TEX11: variants seen among roughly 807,000 people sequenced by gnomAD.
The protein encoded by TEX11 is testis-expressed protein 11.
Under a neutral mutation model 84.4 loss-of-function variants are expected in TEX11, and 7 were observed. The ratio of observed to expected loss-of-function variants is 0.08; its 90% CI spans 0.05 to 0.16. The LOEUF (loss-of-function observed/expected upper bound fraction) is 0.16, where lower values mean the gene tolerates loss of function less well. TEX11 is among the 10% of genes least tolerant of loss of function. The pLI, the probability that TEX11 is intolerant of heterozygous loss-of-function variation, is 1.00. For synonymous variants in TEX11, 264 were observed against 222.8 expected, an observed-to-expected ratio of 1.18 and a Z score of -1.64; for missense variants, 551 against 660.5, an observed-to-expected ratio of 0.83 and a Z score of 1.82.
the TEX11 span, among the ~76,000 whole-genome samples, chrX:70,512,691 T>C: frequency 1.8e-5 from 2 of 109,332 alleles, no homozygotes; most frequent in Non-Finnish European, 3.8e-5. Context: ...ACCACAGTTA[T>C]TCACTGGATG....
chrX:70,575,256 C>T (rs2088658361), intron 25 of TEX11, among the ~76,000 whole-genome samples: 1 of 111,304 alleles, frequency 9.0e-6, no homozygotes, highest in African/African-American at 3.3e-5. Context: ...CTAGGTGATA[C>T]TAGTGGCCTA....
intron 16 of TEX11, among the ~76,000 whole-genome samples, chrX:70,669,476 C>G (rs777663665): frequency 8.9e-5 from 10 of 112,530 alleles, no homozygotes; most frequent in Non-Finnish European, 1.9e-4. Flanking sequence ...TTTTCTGAAA[C>G]AGTTAAATGC....
chrX:70,857,585 C>CA (rs1182287190), intron 5 of TEX11: 1 of 269,629 alleles, frequency 3.7e-6, no homozygotes, highest in Non-Finnish European at 6.9e-6. Flanking sequence ...TCATATATCT[C>CA]AAAATGGTTC....
At chrX:70,711,844 T>G (rs1172364089) in intron 13 of TEX11, among the ~76,000 whole-genome samples, 4 of 111,679 alleles carry the variant, frequency 3.6e-5, no homozygotes, top group Non-Finnish European at 7.5e-5. Context: ...TTTTGCTGTT[T>G]TAGACATGAA....
chrX:70,713,624 G>C (rs1178064500), intron 13 of TEX11, among the ~76,000 whole-genome samples: 2 of 111,511 alleles, frequency 1.8e-5, no homozygotes, highest in Non-Finnish European at 3.8e-5. Flanking sequence ...ATTTCTGTGG[G>C]ATCGGTGGTG....
chrX:70,776,537 T>C (rs772432119), intron 9 of TEX11, among the ~76,000 whole-genome samples: 80 of 104,933 alleles, frequency 7.6e-4, no homozygotes, highest in Non-Finnish European at 6.2e-4. Context: ...TACTCCAGCC[T>C]GGGCAACCAG....
In TEX11 at chrX:70,624,056, T is replaced by C. The variant is rs762870036; in HGVS notation, c.1695-50A>G. 9 of 1,042,964 alleles carry C rather than the reference T, an allele frequency of 8.6e-6. No homozygotes were observed. In the South Asian group the frequency reaches 1.7e-4, roughly 20 times the overall value. The allele number at this position is 1,042,964 out of a possible 1,213,427, so 86.0% of individuals were successfully genotyped here. A position where few individuals can be genotyped will look rare whatever the true frequency, so the allele number is the denominator to read the frequency against. ...GTGATTCTTAGGTTAGGAAGAAACATGTGTGAATGAATACATACCAAGTTA... is the reference window on the plus strand; with the variant it reads ...GTGATTCTTAGGTTAGGAAGAAACACGTGTGAATGAATACATACCAAGTTA... On this transcript the variant is annotated intron_variant, in intron 19 of 29. Coordinates refer to ENST00000374333, the MANE Select transcript of TEX11 (RefSeq NM_031276.3).
chrX:70,776,449 G>A (rs1429608484), intron 9 of TEX11, among the ~76,000 whole-genome samples: 1 of 109,295 alleles, frequency 9.1e-6, no homozygotes, highest in South Asian at 4.0e-4. Context: ...TGTGGTCCCA[G>A]CTACTCGGGA....
At chrX:70,536,998 G>A (rs1051054469) in intron 28 of TEX11, among the ~76,000 whole-genome samples, 1 of 111,882 alleles carries the variant, frequency 8.9e-6, no homozygotes, top group Non-Finnish European at 1.9e-5. Context: ...TGTAGGCAGA[G>A]AGTAAAAATG....
chrX:70,591,708 C>G, intron 25 of TEX11, 43 bp downstream of exon 25: 1 of 1,044,441 alleles, frequency 9.6e-7, no homozygotes, highest in Non-Finnish European at 1.3e-6. Context: ...CGATTCTAAG[C>G]TCCTTTCAAA....
intron 7 of TEX11, among the ~76,000 whole-genome samples, chrX:70,849,458 T>C (rs961709925): frequency 1.2e-4 from 13 of 112,014 alleles, no homozygotes; most frequent in African/African-American, 3.2e-4. Context: ...AAACCTAGCA[T>C]AGTAGTCTGT....
Position 70,679,809 on chromosome X carries a change from G to A in TEX11, c.1157-920C>T, listed in dbSNP as rs1179902306. ...GGGTCAGCCCCCCGCCCGGCCAGCCGCCCCGTCCGGGAGGGAGGTGGGAGG... is the reference window on the plus strand; with the variant it reads ...GGGTCAGCCCCCCGCCCGGCCAGCCACCCCGTCCGGGAGGGAGGTGGGAGG... On this transcript the variant is annotated intron_variant, in intron 14 of 29. Coordinates refer to ENST00000374333, the MANE Select transcript of TEX11 (RefSeq NM_031276.3). 1.3e-4 allele frequency among the ~76,000 whole-genome samples: 12 copies of A among 94,809 alleles called. No individual in the cohort carries two copies. The Admixed American group carries it at 1.3e-3, about 10-fold the overall frequency. The allele number at this position is 94,809 out of a possible 115,157, so 82.3% of individuals were successfully genotyped here.
chrX:70,625,828 A>G (rs1382178266), intron 18 of TEX11, among the ~76,000 whole-genome samples: 2 of 97,673 alleles, frequency 2.0e-5, no homozygotes, highest in Admixed American at 1.1e-4. Context: ...GGCTGAAGCA[A>G]CCTCTGCTTC....
At chrX:70,874,148 G>A (rs1434756398) in intron 3 of TEX11, among the ~76,000 whole-genome samples, 2 of 110,493 alleles carry the variant, frequency 1.8e-5, no homozygotes, top group Non-Finnish European at 3.8e-5. Context: ...CAACATGATT[G>A]GAAACTTCCA....
At chrX:70,653,922 GA>G (rs1434397839) in intron 16 of TEX11, among the ~76,000 whole-genome samples, 1 of 111,801 alleles carries the variant, frequency 8.9e-6, no homozygotes, top group Non-Finnish European at 1.9e-5. Flanking sequence ...CTAAGTGAAA[GA>G]AACCTATTTG....
intron 9 of TEX11, among the ~76,000 whole-genome samples, chrX:70,786,864 G>C (rs185981593): frequency 1.2e-4 from 13 of 111,962 alleles, no homozygotes. Context: ...TCCCGGTGTG[G>C]TGACTCACAC....
At chrX:70,697,148 T>C (rs2090287313) in intron 13 of TEX11, among the ~76,000 whole-genome samples, 1 of 112,127 alleles carries the variant, frequency 8.9e-6, no homozygotes, top group African/African-American at 3.2e-5. Context: ...TTTTCTGTAT[T>C]CCTCTTCTGC....
chrX:70,840,175 T>G (rs1476307533), intron 7 of TEX11, among the ~76,000 whole-genome samples: 1 of 111,059 alleles, frequency 9.0e-6, no homozygotes, highest in East Asian at 2.8e-4. Flanking sequence ...GACACATAAT[T>G]GTCAGATTCA....
At chrX:70,843,013 A>C (rs1247936366) in intron 7 of TEX11, among the ~76,000 whole-genome samples, 1 of 112,082 alleles carries the variant, frequency 8.9e-6, no homozygotes, top group African/African-American at 3.2e-5. Flanking sequence ...TTCCATGCTC[A>C]TGGGTAGAAA....
Sources: allele counts gnomAD v4.1 joint callset (sites outside exome capture counted in the v4.1 genomes callset), GRCh38; gene constraint gnomAD v4.1.1; transcripts MANE v1.5; gene names NCBI Gene and HGNC (gene_info 2026-07-23, HGNC 2026-07-21).